The following ARHGAP42 variants were observed in gnomAD, a reference collection of about 807,000 sequenced individuals.
ARHGAP42 encodes Rho GTPase activating protein 42.
Under a neutral mutation model 125.0 loss-of-function variants are expected in ARHGAP42, and 63 were observed. The ratio of observed to expected loss-of-function variants is 0.50; its 90% CI spans 0.41 to 0.62. The LOEUF is 0.62. ARHGAP42 is among the 20% of genes least tolerant of loss of function. ARHGAP42 has a pLI of 0.00. For synonymous variants in ARHGAP42, 339 were observed against 351.0 expected, an observed-to-expected ratio of 0.97 and a Z score of 0.38; for missense variants, 766 against 1,024.2, an observed-to-expected ratio of 0.75 and a Z score of 3.44.
intron 3 of ARHGAP42, among the ~76,000 whole-genome samples, chr11:100,818,196 G>A (rs975046577): frequency 1.3e-5 from 2 of 151,974 alleles, no homozygotes; most frequent in Non-Finnish European, 1.5e-5. Flanking sequence ...TTTTAATTTT[G>A]TTAGCTTCTT....
At chr11:100,974,349 A>T (rs984633094) in intron 18 of ARHGAP42, 110 bp from the exon 19 acceptor site, 1 of 994,672 alleles carries the variant, frequency 1.0e-6, no homozygotes, top group Non-Finnish European at 1.4e-6. Flanking sequence ...TTGCTCTAGG[A>T]TACTTATATT....
At position 100,688,185 on chromosome 11, in the gene ARHGAP42, A is replaced by T. The variant is rs770800267; in HGVS notation, c.154+353A>T. ...ATAGTTTGAACTAAAAAAGCCCTTA[A>T]GGGGGGAATCAAGAGTTTGTCTTAA... On this transcript the variant is annotated intron_variant, in intron 1 of 23. Transcript: ENST00000298815. Among the ~76,000 whole-genome samples the T allele has an allele frequency of 1.3e-4, 19 of 151,992 alleles. 1 individual carries two copies. The highest frequency in any genetic ancestry group is 1.0e-3 in the South Asian group (5 of 4,812).
chr11:100,811,767 T>G (rs1864150039), intron 3 of ARHGAP42, among the ~76,000 whole-genome samples: 1 of 152,146 alleles, frequency 6.6e-6, no homozygotes, highest in Admixed American at 6.5e-5. Context: ...CCCAAAGTGC[T>G]GGGATTATAG....
intron 4 of ARHGAP42, among the ~76,000 whole-genome samples, chr11:100,901,819 C>G (rs1866560053): frequency 6.6e-6 from 1 of 152,182 alleles, no homozygotes. Context: ...TACAGTCTGT[C>G]ACAGCTTTCC....
At chr11:100,955,815 T>G (rs1857789789) in intron 12 of ARHGAP42, among the ~76,000 whole-genome samples, 1 of 152,148 alleles carries the variant, frequency 6.6e-6, no homozygotes. Context: ...GATTTTTTGT[T>G]TTTTGTTTTG....
Position 100,687,533 on chromosome 11 carries a change from C to A in ARHGAP42, c.-146C>A. The A allele has an allele frequency of 2.0e-6, 1 of 492,788 alleles. No individual in the cohort carries two copies. The highest frequency in any genetic ancestry group is 6.6e-5 in the East Asian group (1 of 15,046). 30.5% of individuals were successfully genotyped at this position (492,788 alleles called of 1,614,324 possible). On this transcript the variant is annotated 5_prime_UTR_variant, in exon 1 of 24. Coordinates refer to ENST00000298815, the MANE Select transcript of ARHGAP42 (RefSeq NM_152432.4). Reference sequence around the variant, plus strand: ...GCGCAGGCGGCGCGGCGCTCGGGGCCCGTTTCCTCCGCGCAATCAGTCCCC... The same window carrying A: ...GCGCAGGCGGCGCGGCGCTCGGGGCACGTTTCCTCCGCGCAATCAGTCCCC...
chr11:100,979,413 A>C (rs1234526321), intron 22 of ARHGAP42, among the ~76,000 whole-genome samples: 4 of 152,194 alleles, frequency 2.6e-5, no homozygotes, highest in Non-Finnish European at 5.9e-5. Flanking sequence ...ATCATCATGA[A>C]TATCCATGGA....
intron 3 of ARHGAP42, among the ~76,000 whole-genome samples, chr11:100,855,291 T>A (rs576275077): frequency 6.6e-6 from 1 of 152,220 alleles, no homozygotes; most frequent in East Asian, 1.9e-4. Context: ...GCTAATGAGT[T>A]GCAAGATAAT....
chr11:100,696,995 G>A (rs1307831771), intron 1 of ARHGAP42, among the ~76,000 whole-genome samples: 1 of 152,048 alleles, frequency 6.6e-6, no homozygotes, highest in Non-Finnish European at 1.5e-5. Context: ...GGTTGTCAAT[G>A]TCAGGTAACA....
chr11:100,792,821 C>T (rs1324785790), intron 2 of ARHGAP42, among the ~76,000 whole-genome samples: 2 of 150,580 alleles, frequency 1.3e-5, no homozygotes, highest in Admixed American at 1.3e-4. Flanking sequence ...GGCACGATCT[C>T]GGCTTACTGC....
At chr11:100,979,548 A>G (rs952310058) in intron 22 of ARHGAP42, among the ~76,000 whole-genome samples, 7 of 152,278 alleles carry the variant, frequency 4.6e-5, no homozygotes, top group Middle Eastern at 6.8e-3. Flanking sequence ...CATTATTAAA[A>G]GGATATGAGT....
chr11:100,859,402 TAGA>T (rs752930347), intron 3 of ARHGAP42, 149 bp from the exon 4 acceptor site: 67 of 538,562 alleles, frequency 1.2e-4, no homozygotes, highest in Non-Finnish European at 2.0e-4. Context: ...AATTATATAG[TAGA>T]AGAACTGTAT....
chr11:100,836,398 A>G (rs571948068), intron 3 of ARHGAP42, among the ~76,000 whole-genome samples: 2 of 152,240 alleles, frequency 1.3e-5, no homozygotes, highest in African/African-American at 2.4e-5. Context: ...ATCATGAACA[A>G]TCAGCCCTTT....
intron 1 of ARHGAP42, 116 bp from the exon 2 acceptor site, chr11:100,770,227 A>T: frequency 1.4e-6 from 1 of 711,624 alleles, no homozygotes; most frequent in Non-Finnish European, 2.2e-6. Context: ...AACTGGTATT[A>T]AAGGATTCTG....
At chr11:100,744,248 C>T (rs1361275599) in intron 1 of ARHGAP42, among the ~76,000 whole-genome samples, 6 of 152,210 alleles carry the variant, frequency 3.9e-5, no homozygotes, top group South Asian at 2.1e-4. Context: ...GGATTACAGG[C>T]GTGAGCCACC....
In ARHGAP42 at chr11:100,936,303, T is replaced by C; in HGVS notation, c.803T>C (p.Met268Thr). 6.4e-7 allele frequency: 1 copy of C among 1,551,616 alleles called. No individual in the cohort carries two copies. The highest frequency in any genetic ancestry group is 8.7e-7 in the Non-Finnish European group (1 of 1,146,914). The part of the protein sequence containing the change: ...QDYRPPSQWT[M>T]EGYLYVQEKR... ...TACAGACCACCCAGCCAGTGGACGA[T>C]GGAAGGCTATCTGTATGTCCAGGAG... Residue 268 changes from methionine (M) to threonine (T), a missense_variant, in exon 8 of 24, where the codon ATG becomes ACG. By Grantham distance (81) the Met-to-Thr change is moderately conservative. Transcript: ENST00000298815.
intron 6 of ARHGAP42, among the ~76,000 whole-genome samples, chr11:100,931,937 A>G (rs1383391762): frequency 6.6e-6 from 1 of 152,212 alleles, no homozygotes; most frequent in Non-Finnish European, 1.5e-5. Context: ...TGTAAAACTG[A>G]CAGTGTAAAA....
rs1205507092 is a variant in ARHGAP42, at chr11:100,991,239, C to T, written c.*2438C>T. The T allele has an allele frequency of 6.6e-6, 1 of 152,126 alleles. No homozygotes were observed. The highest frequency in any genetic ancestry group is 1.9e-4 in the East Asian group (1 of 5,196). 9.4% of individuals were successfully genotyped at this position (152,126 alleles called of 1,614,324 possible). A position where few individuals can be genotyped will look rare whatever the true frequency, so the allele number is the denominator to read the frequency against. On this transcript the variant is annotated 3_prime_UTR_variant, in exon 24 of 24. Transcript: ENST00000298815. ...TGGAGACGGGCTAAAGCTGCTTTTCCCTTAAAGTAAGTTTCCTACAGATAA... is the reference window on the plus strand; with the variant it reads ...TGGAGACGGGCTAAAGCTGCTTTTCTCTTAAAGTAAGTTTCCTACAGATAA...
intron 16 of ARHGAP42, among the ~76,000 whole-genome samples, chr11:100,963,165 G>C (rs997976422): frequency 1.3e-5 from 2 of 152,202 alleles, no homozygotes; most frequent in Non-Finnish European, 2.9e-5. Context: ...ATCTGGAGAT[G>C]AGTCAAATAT....
Sources: gnomAD v4.1 joint callset for allele counts (sites outside exome capture counted in the v4.1 genomes callset) on GRCh38, gnomAD v4.1.1 for gene constraint, MANE v1.5 for transcripts, NCBI Gene and HGNC (gene_info 2026-07-23, HGNC 2026-07-21) for gene names.